ELF2: variants seen among roughly 807,000 people sequenced by gnomAD.
The protein encoded by ELF2 is E74 like ETS transcription factor 2, also known as ETS-related transcription factor Elf-2.
In ELF2, 11 loss-of-function variants were observed where a neutral mutation model predicts 54.8. The observed-to-expected ratio is 0.20, with a 90% CI of 0.13 to 0.33. The LOEUF (loss-of-function observed/expected upper bound fraction) is 0.33. ELF2 is among the 10% of genes least tolerant of loss of function. The probability of loss-of-function intolerance (pLI) is 1.00; values close to 1 mark genes in which losing one functional copy is unlikely to be tolerated. For missense variants in ELF2, 513 were observed against 703.0 expected (o/e 0.73, Z 3.06); for synonymous variants, 203 against 245.1 (o/e 0.83, Z 1.61).
intron 1 of ELF2, among the ~76,000 whole-genome samples, chr4:139,147,778 A>AT (rs767408414): frequency 0.014 from 1,674 of 120,134 alleles, 19 homozygotes; most frequent in East Asian, 0.038. Flanking sequence ...CCAGCCAGAG[A>AT]TTTTTTTTTT....
chr4:139,093,649 G>A (rs920093363), intron 4 of ELF2, among the ~76,000 whole-genome samples: 4 of 152,074 alleles, frequency 2.6e-5, no homozygotes, highest in Non-Finnish European at 5.9e-5. Context: ...CATATTAATA[G>A]AGTAAAAGAG....
At chr4:139,151,032 AAAAGAAAGAAAGAAAG>A (rs71600182) in intron 1 of ELF2, among the ~76,000 whole-genome samples, 2,046 of 102,522 alleles carry the variant, frequency 0.02, 74 homozygotes, top group South Asian at 0.059. Flanking sequence ...TCAAAAAAAA[AAAAGAAAGAAAGAAAG>A]AAAGAAAGAA....
intron 8 of ELF2, among the ~76,000 whole-genome samples, 171 bp from the exon 9 acceptor site, chr4:139,060,845 A>T (rs1267635169): frequency 6.6e-6 from 1 of 152,228 alleles, no homozygotes; most frequent in Admixed American, 6.5e-5. Flanking sequence ...AAGGTTACAA[A>T]TTTAGAGTAG....
rs1736802318 is a variant in ELF2, at chr4:139,125,266, C to G, written c.136G>C (p.Glu46Gln). ...IVEPVPSARL[E>Q]QGYAAQVLVY... ...AGAACCTGGGCTGCATAGCCCTGCT[C>G]TAATCTGGCACTTGGAACTGGCTCC... The change falls in exon 4 of 10, where the codon GAG becomes CAG. Residue 46 changes from glutamate to glutamine, a missense_variant. Glu to Gln is a conservative substitution (Grantham distance 29, BLOSUM62 2). This residue lies in a region of ELF2 where 203 missense variants were observed against 245.9 expected (regional missense o/e 0.83). Transcript: ENST00000686138. 1 of 1,613,876 alleles carries G rather than the reference C, an allele frequency of 6.2e-7. No homozygotes were observed. Among genetic ancestry groups the G allele is most frequent in the Non-Finnish European group, 8.5e-7 (1 of 1,179,974 alleles).
chr4:139,157,099 G>A (rs865990170), intron 1 of ELF2, among the ~76,000 whole-genome samples: 1 of 152,014 alleles, frequency 6.6e-6, no homozygotes, highest in Non-Finnish European at 1.5e-5. Context: ...AGACATAGAT[G>A]GTGTAGCCTG....
intron 4 of ELF2, among the ~76,000 whole-genome samples, chr4:139,115,670 T>C (rs1735633017): frequency 6.6e-6 from 1 of 152,204 alleles, no homozygotes; most frequent in Non-Finnish European, 1.5e-5. Context: ...AATCCCAAGA[T>C]ACACATTTTT....
At chr4:139,158,202 T>C (rs1022924994) in intron 1 of ELF2, among the ~76,000 whole-genome samples, 12 of 152,218 alleles carry the variant, frequency 7.9e-5, no homozygotes, top group Non-Finnish European at 1.8e-4. Flanking sequence ...GGGGAGCTTT[T>C]GAGCCAGGAT....
At chr4:139,108,187 T>C (rs914210747) in intron 4 of ELF2, among the ~76,000 whole-genome samples, 1 of 152,184 alleles carries the variant, frequency 6.6e-6, no homozygotes, top group Non-Finnish European at 1.5e-5. Context: ...AAGAATGTAT[T>C]GAGCTTTCTT....
intron 3 of ELF2, among the ~76,000 whole-genome samples, chr4:139,126,377 GAA>G (rs202190769): frequency 0.029 from 4,176 of 141,614 alleles, 116 homozygotes; most frequent in African/African-American, 0.07. Context: ...AAATAGAAAG[GAA>G]AAAAAAAAAA....
At chr4:139,088,373 GATTAACC>G (rs1732224938) in intron 4 of ELF2, among the ~76,000 whole-genome samples, 2 of 150,646 alleles carry the variant, frequency 1.3e-5, no homozygotes, top group Non-Finnish European at 2.9e-5. Flanking sequence ...GGAATATTTA[GATTAACC>G]AATTTCTTCC....
chr4:139,064,912 A>C (rs184124872), intron 7 of ELF2, among the ~76,000 whole-genome samples: 5 of 152,212 alleles, frequency 3.3e-5, no homozygotes, highest in Admixed American at 6.5e-5. Context: ...CAAAACAAAA[A>C]AAATGACTTT....
In ELF2 at chr4:139,091,700, G is replaced by A. The variant is rs148038735; in HGVS notation, c.239-18133C>T. Among the ~76,000 whole-genome samples the A allele has an allele frequency of 4.0e-3, 606 of 151,980 alleles. 2 individuals are homozygous for A. The highest frequency in any genetic ancestry group is 7.2e-3 in the African/African-American group (297 of 41,452). Reference sequence around the variant, plus strand: ...AGGATTACTTGCCCAGGATGGTCTCGAATTGCTGGATACAACCGATCCTCC... The same window carrying A: ...AGGATTACTTGCCCAGGATGGTCTCAAATTGCTGGATACAACCGATCCTCC... On this transcript the variant is annotated intron_variant, in intron 4 of 9. Transcript: ENST00000686138.
intron 1 of ELF2, among the ~76,000 whole-genome samples, chr4:139,176,115 C>G (rs1254808436): frequency 6.6e-6 from 1 of 152,198 alleles, no homozygotes; most frequent in Non-Finnish European, 1.5e-5. Flanking sequence ...CTAGACCATC[C>G]CGTCGCGCGG....
chr4:139,072,817 G>T (rs972874609), intron 5 of ELF2, among the ~76,000 whole-genome samples: 1 of 152,130 alleles, frequency 6.6e-6, no homozygotes, highest in Non-Finnish European at 1.5e-5. Flanking sequence ...TAATACACAG[G>T]ATTCTATTCA....
chr4:139,138,969 ATTT>A (rs1284206599), intron 2 of ELF2, among the ~76,000 whole-genome samples: 1 of 152,198 alleles, frequency 6.6e-6, no homozygotes, highest in African/African-American at 2.4e-5. Context: ...CTCCTAAAAA[ATTT>A]TTTTGATTTC....
chr4:139,090,894 T>C (rs1172006797), intron 4 of ELF2, among the ~76,000 whole-genome samples: 5 of 148,132 alleles, frequency 3.4e-5, no homozygotes, highest in Non-Finnish European at 7.4e-5. Flanking sequence ...CAAATTAATG[T>C]TTTCCCTTAT....
chr4:139,129,691 G>T (rs1298078675), intron 3 of ELF2, among the ~76,000 whole-genome samples: 1 of 152,170 alleles, frequency 6.6e-6, no homozygotes. Context: ...ACAAAGCACA[G>T]AGTAAGTTAT....
chr4:139,097,669 T>A (rs1466255947), intron 4 of ELF2, among the ~76,000 whole-genome samples: 2 of 152,034 alleles, frequency 1.3e-5, no homozygotes, highest in Non-Finnish European at 2.9e-5. Flanking sequence ...TTCAATGTTA[T>A]TTAGCTATAA....
intron 1 of ELF2, among the ~76,000 whole-genome samples, chr4:139,164,130 AAGAG>A (rs1247122504): frequency 1.4e-5 from 2 of 146,022 alleles, no homozygotes; most frequent in Non-Finnish European, 3.0e-5. Flanking sequence ...GAGAGAGAGA[AAGAG>A]AAAGAAGAGA....
Sources: allele counts gnomAD v4.1 joint callset (sites outside exome capture counted in the v4.1 genomes callset), GRCh38; gene constraint gnomAD v4.1.1; regional missense constraint gnomAD v4.1.1; transcripts MANE v1.5; gene names NCBI Gene and HGNC (gene_info 2026-07-23, HGNC 2026-07-21).